The following MPRIP variants were observed in gnomAD, a reference collection of about 807,000 sequenced individuals.
MPRIP encodes myosin phosphatase Rho-interacting protein.
Under a neutral mutation model 234.9 loss-of-function variants are expected in MPRIP, and 59 were observed. The observed-to-expected ratio is 0.25, with a 90% CI of 0.20 to 0.31. The LOEUF is 0.31. Ranked by LOEUF, MPRIP falls within the 10% of genes least tolerant of loss-of-function variation. The probability of loss-of-function intolerance (pLI) is 1.00; values close to 1 mark genes in which losing one functional copy is unlikely to be tolerated. For synonymous variants in MPRIP, 1,144 were observed against 1,263.9 expected, an observed-to-expected ratio of 0.91 and a Z score of 2.01; for missense variants, 2,436 against 3,071.0, an observed-to-expected ratio of 0.79 and a Z score of 4.89.
rs183462703 is a variant in MPRIP, at chr17:17,159,292, A to G, written c.2400+290A>G. 1.8e-3 allele frequency among the ~76,000 whole-genome samples: 278 copies of G among 152,336 alleles called. 1 individual carries two copies. Among genetic ancestry groups the G allele is most frequent in the Non-Finnish European group, 4.0e-4 (27 of 68,028 alleles). On this transcript the variant is annotated intron_variant, in intron 14 of 23. Coordinates refer to ENST00000651222, the MANE Select transcript of MPRIP (RefSeq NM_001364716.4). Reference sequence around the variant, plus strand: ...AGAGGCAAGCGGCGTTGCAGGGCCTAGATGGTTTCCTCGTTCTGACTCCCG... The same window carrying G: ...AGAGGCAAGCGGCGTTGCAGGGCCTGGATGGTTTCCTCGTTCTGACTCCCG...
Position 17,185,871 on chromosome 17 carries a change from T to C in MPRIP, c.*977T>C, listed in dbSNP as rs2046466234. 4.9e-6 allele frequency: 1 copy of C among 202,412 alleles called. No individual in the cohort carries two copies. 12.5% of individuals were successfully genotyped at this position (202,412 alleles called of 1,614,324 possible). On this transcript the variant is annotated 3_prime_UTR_variant, in exon 24 of 24. Coordinates refer to ENST00000651222, the MANE Select transcript of MPRIP (RefSeq NM_001364716.4). ...GTCAGAATCTGATGAGAACAGCACA[T>C]TAGTGTTTATTGAGACTCCGATCTT...
In MPRIP at chr17:17,173,758, T is replaced by C. The variant is rs536944859; in HGVS notation, c.6591-158T>C. On this transcript the variant is annotated intron_variant, in intron 18 of 23. Transcript: ENST00000651222. ...AGGGAGGGGCGTGAGGCCATCTCTG[T>C]AAGGGATCCCTTACTCTGTATGACC... 4 of 839,838 alleles carry C rather than the reference T, an allele frequency of 4.8e-6. No individual in the cohort carries two copies. In the South Asian group the frequency reaches 5.7e-5, roughly 12 times the overall value. 52.0% of individuals were successfully genotyped at this position (839,838 alleles called of 1,614,324 possible). A position where few individuals can be genotyped will look rare whatever the true frequency, so the allele number is the denominator to read the frequency against.
chr17:17,172,703 G>A lies in MPRIP; in HGVS notation c.6478G>A (p.Glu2160Lys), dbSNP rs1407879213. ...GGCCGTGTCCTTGCCTGCAGCCATC[G>A]AAGCCATGAAGAACGCCCACCGGGA... is the stretch of plus-strand genomic sequence containing the variant. ...EETAATISAIEAMKNAHREEM... is the reference protein window; with the variant it reads ...EETAATISAIKAMKNAHREEM... The change falls in exon 18 of 24, where the codon GAA (glutamate) becomes AAA (lysine). Residue 2160 changes from glutamate to lysine, a missense_variant. This residue lies in a region of MPRIP where 1,998 missense variants were observed against 2,520.3 expected (regional missense o/e 0.79). Transcript: ENST00000651222. 3 of 1,610,840 alleles carry A rather than the reference G, an allele frequency of 1.9e-6. No individual in the cohort carries two copies. The highest frequency in any genetic ancestry group is 2.7e-5 in the African/African-American group (2 of 74,828).
chr17:17,087,098 G>A (rs2089608311), intron 3 of MPRIP, among the ~76,000 whole-genome samples: 1 of 152,212 alleles, frequency 6.6e-6, no homozygotes, highest in Non-Finnish European at 1.5e-5. Flanking sequence ...AAGAATCAGG[G>A]AATGGAAGCC....
At position 17,163,102 on chromosome 17, in the gene MPRIP, G is replaced by A. The variant is rs142942925; in HGVS notation, c.2518-1007G>A. ...TGGAAATGCTTTTAATCACGACTCA[G>A]AATGAGCAGGGGGTCTGTGGGGTTA... is the stretch of plus-strand genomic sequence containing the variant. On this transcript the variant is annotated intron_variant, in intron 15 of 23. Transcript: ENST00000651222. 6.2e-3 allele frequency among the ~76,000 whole-genome samples: 948 copies of A among 152,286 alleles called. 8 individuals carry two copies. The highest frequency in any genetic ancestry group is 0.022 in the African/African-American group (903 of 41,568).
Position 17,167,792 on chromosome 17 carries a change from G to A in MPRIP, c.6201G>A (p.Arg2067=). ...QGEADSMTGL[R]ERIQELEAQM... is the part of the protein sequence containing the mutation. Reference sequence around the variant, plus strand: ...AGGCTGACTCCATGACGGGGCTGAGGGAGCGCATCCAGGAGCTGGAGGCCC... The same window carrying A: ...AGGCTGACTCCATGACGGGGCTGAGAGAGCGCATCCAGGAGCTGGAGGCCC... The change falls in exon 16 of 24, where the codon AGG becomes AGA. Residue 2067 remains arginine (R), a synonymous_variant. Coordinates refer to ENST00000651222, the MANE Select transcript of MPRIP (RefSeq NM_001364716.4). This position sits in a 1 kb window ranked among gnomAD's most constrained non-coding sequence, Gnocchi z 5.9. 3.1e-6 allele frequency: 4 copies of A among 1,304,276 alleles called. No homozygotes were observed. The highest frequency in any genetic ancestry group is 4.0e-6 in the Non-Finnish European group (4 of 988,958). The allele number at this position is 1,304,276 out of a possible 1,614,324, so 80.8% of individuals were successfully genotyped here. A position where few individuals can be genotyped will look rare whatever the true frequency, so the allele number is the denominator to read the frequency against.
chr17:17,179,972 C>T (rs2046337935), intron 22 of MPRIP, 31 bp from the exon 23 acceptor site: 1 of 1,542,362 alleles, frequency 6.5e-7, no homozygotes, highest in East Asian at 2.3e-5. Context: ...GCAAAGGTAA[C>T]AGGTCTGTTT....
At chr17:17,161,882 C>T (rs893713363) in intron 15 of MPRIP, among the ~76,000 whole-genome samples, 1 of 152,186 alleles carries the variant, frequency 6.6e-6, no homozygotes, top group African/African-American at 2.4e-5. Context: ...ACTACTAGCC[C>T]AACCCCGGGA....
chr17:17,077,196 C>T (rs1219144568), intron 2 of MPRIP: 1 of 152,186 alleles, frequency 6.6e-6, no homozygotes, highest in Non-Finnish European at 1.5e-5. Flanking sequence ...GTCATGGACC[C>T]TTGTGATGAT....
At chr17:17,062,616 G>A (rs11651988) in intron 1 of MPRIP, among the ~76,000 whole-genome samples, 10,450 of 152,284 alleles carry the variant, frequency 0.069, 499 homozygotes, top group East Asian at 0.16. Flanking sequence ...ACAGAGCAGC[G>A]GAGCCATGAA....
At chr17:17,120,599 A>C (rs1466325971) in intron 3 of MPRIP, among the ~76,000 whole-genome samples, 1 of 152,094 alleles carries the variant, frequency 6.6e-6, no homozygotes, top group Admixed American at 6.6e-5. Flanking sequence ...CCAGAAGAGG[A>C]CCAGAGGCTC....
At chr17:17,097,836 CTT>C (rs906438640) in intron 3 of MPRIP, among the ~76,000 whole-genome samples, 1 of 152,192 alleles carries the variant, frequency 6.6e-6, no homozygotes, top group Non-Finnish European at 1.5e-5. Context: ...ATTTGTCTGA[CTT>C]TTCCAGAGGC....
chr17:17,164,706 A>G lies in MPRIP; in HGVS notation c.3115A>G (p.Asn1039Asp). ...CEKEKQALLQNLKEVEDKASA... is the reference protein window; with the variant it reads ...CEKEKQALLQDLKEVEDKASA... ...GAAGGAGAAGCAGGCATTGCTGCAG[A>G]ACCTAAAGGAAGTGGAAGACAAGGC... The change falls in exon 16 of 24, where the codon AAC becomes GAC. Residue 1039 changes from asparagine to aspartate, a missense_variant. By Grantham distance (23) the Asn-to-Asp change is conservative. Coordinates refer to ENST00000651222, the MANE Select transcript of MPRIP (RefSeq NM_001364716.4). The G allele has an allele frequency of 7.8e-7, 1 of 1,282,980 alleles. No individual in the cohort carries two copies. Among genetic ancestry groups the G allele is most frequent in the Non-Finnish European group, 1.0e-6 (1 of 980,580 alleles). 79.5% of individuals were successfully genotyped at this position (1,282,980 alleles called of 1,614,324 possible). A position where few individuals can be genotyped will look rare whatever the true frequency, so the allele number is the denominator to read the frequency against.
intron 3 of MPRIP, among the ~76,000 whole-genome samples, chr17:17,095,538 A>G (rs2089819429): frequency 6.6e-6 from 1 of 152,184 alleles, no homozygotes; most frequent in Admixed American, 6.5e-5. Context: ...TGTGGGCAGC[A>G]GAAGGGCTTG....
intron 13 of MPRIP, among the ~76,000 whole-genome samples, chr17:17,156,719 CT>C (rs942460360): frequency 3.1e-4 from 47 of 152,342 alleles, no homozygotes; most frequent in African/African-American, 1.1e-3. Context: ...CATGCATGCC[CT>C]GCCCTATGTG....
In MPRIP at chr17:17,158,845, A is replaced by G. The variant is rs745704617; in HGVS notation, c.2243A>G (p.His748Arg). 132 of 1,611,696 alleles carry G rather than the reference A, an allele frequency of 8.2e-5. 1 individual carries two copies. The highest frequency in any genetic ancestry group is 9.9e-5 in the Non-Finnish European group (117 of 1,180,006). ...PGLPMSDLKTHNVHVEIEQRW... is the reference protein window; with the variant it reads ...PGLPMSDLKTRNVHVEIEQRW... ...CTGCCTATGAGCGACCTCAAAACGC[A>G]TAACGTCCACGTGGAGATTGAGCAG... Residue 748 changes from histidine (H) to arginine (R), a missense_variant, in exon 14 of 24, where the codon CAT becomes CGT. Physicochemically the swap from His to Arg is conservative, Grantham distance 29. Around this residue, in one of 4 missense-constraint regions of MPRIP, gnomAD observed 1,998 missense variants for 2,520.3 expected, o/e 0.79. Transcript: ENST00000651222.
intron 3 of MPRIP, among the ~76,000 whole-genome samples, chr17:17,082,780 C>G (rs2089494863): frequency 6.6e-6 from 1 of 152,220 alleles, no homozygotes; most frequent in South Asian, 2.1e-4. Context: ...ACTCCCTTCC[C>G]CAGCCCCTGG....
chr17:17,140,661 C>T (rs1372806174), intron 7 of MPRIP, among the ~76,000 whole-genome samples: 6 of 152,244 alleles, frequency 3.9e-5, no homozygotes, highest in Admixed American at 2.0e-4. Context: ...TGACAAGCCA[C>T]AGTCATCTAG....
At chr17:17,100,120 G>A (rs908845259) in intron 3 of MPRIP, among the ~76,000 whole-genome samples, 8 of 152,150 alleles carry the variant, frequency 5.3e-5, no homozygotes, top group African/African-American at 9.7e-5. Context: ...TGTCCTGGAC[G>A]GCGGGTTGAA....
Sources: allele counts gnomAD v4.1 joint callset (sites outside exome capture counted in the v4.1 genomes callset), GRCh38; gene constraint gnomAD v4.1.1; regional missense constraint gnomAD v4.1.1; non-coding constraint Gnocchi (gnomAD v3.1); transcripts MANE v1.5; gene names NCBI Gene and HGNC (gene_info 2026-07-23, HGNC 2026-07-21).